The following MCM9 variants were observed in gnomAD, a reference collection of about 807,000 sequenced individuals.
MCM9 encodes minichromosome maintenance 9 homologous recombination repair factor.
In MCM9, 55 loss-of-function variants were observed where a neutral mutation model predicts 72.8. The observed-to-expected ratio is 0.76, with a 90% CI of 0.61 to 0.95. The LOEUF is 0.95. Among genes scored for constraint, MCM9 ranks in the 40% least tolerant of loss-of-function variants. MCM9 has a pLI of 0.00. For missense variants in MCM9, 1,279 were observed against 1,377.0 expected, an observed-to-expected ratio of 0.93 and a Z score of 1.13; for synonymous variants, 480 against 503.4, an observed-to-expected ratio of 0.95 and a Z score of 0.62.
At chr6:118,927,086 C>T (rs533946844) in intron 3 of MCM9, among the ~76,000 whole-genome samples, 1 of 152,120 alleles carries the variant, frequency 6.6e-6, no homozygotes, top group Non-Finnish European at 1.5e-5. Flanking sequence ...TTCCTTGGCC[C>T]TAAAGAAATA....
intron 8 of MCM9, among the ~76,000 whole-genome samples, chr6:118,897,837 AC>A (rs11349128): frequency 0.01 from 1,581 of 151,974 alleles, 28 homozygotes; most frequent in African/African-American, 0.035. Context: ...AAAAAAAAAA[AC>A]AACAAAAAAA....
intron 6 of MCM9, 110 bp downstream of exon 6, chr6:118,917,451 C>T (rs1781054663): frequency 7.4e-6 from 8 of 1,077,052 alleles, no homozygotes; most frequent in Non-Finnish European, 1.1e-5. Context: ...ACCCTTTAAA[C>T]TCAGTCATTG....
At chr6:118,826,051 A>T in intron 13 of MCM9, 96 bp downstream of exon 13, 1 of 1,333,322 alleles carries the variant, frequency 7.5e-7, no homozygotes, top group Non-Finnish European at 1.0e-6. Flanking sequence ...AACACCTGAT[A>T]GATAGATTTT....
intron 13 of MCM9, among the ~76,000 whole-genome samples, chr6:118,820,116 T>G (rs534474430): frequency 2.0e-4 from 30 of 152,254 alleles, no homozygotes; most frequent in African/African-American, 7.2e-4. Flanking sequence ...CGTGTCTCTA[T>G]CTCCTTCAGT....
intron 13 of MCM9, among the ~76,000 whole-genome samples, chr6:118,817,994 AT>A (rs1773521523): frequency 6.6e-6 from 1 of 151,208 alleles, no homozygotes; most frequent in Non-Finnish European, 1.5e-5. Flanking sequence ...TTTCTTGTAT[AT>A]TTTTTTAAGT....
intron 8 of MCM9, among the ~76,000 whole-genome samples, chr6:118,868,804 T>C (rs1312254233): frequency 1.3e-5 from 2 of 152,222 alleles, no homozygotes; most frequent in African/African-American, 2.4e-5. Flanking sequence ...AGGAATGCTT[T>C]TACACTGTTT....
At chr6:118,924,744 A>G (rs1781738012) in intron 3 of MCM9, among the ~76,000 whole-genome samples, 1 of 152,204 alleles carries the variant, frequency 6.6e-6, no homozygotes, top group Non-Finnish European at 1.5e-5. Context: ...AGGCAACAGA[A>G]AAGGTGCAAA....
chr6:118,829,249 G>A lies in MCM9; in HGVS notation c.1327C>T (p.Leu443Phe). ...QQTISVAKAG[L>F]VCKLNTRTTI... ...GTCCTTGTGTTCAGCTTGCACACGAGGCTGCCAGGAGAGACAGTACAATTC... is the reference window on the plus strand; with the variant it reads ...GTCCTTGTGTTCAGCTTGCACACGAAGCTGCCAGGAGAGACAGTACAATTC... Residue 443 changes from leucine to phenylalanine, a missense_variant and splice_region_variant, in exon 10 of 14, where the codon CTC becomes TTC. Transcript: ENST00000619706. The A allele has an allele frequency of 1.3e-6, 2 of 1,548,086 alleles. No individual in the cohort carries two copies. The highest frequency in any genetic ancestry group is 1.7e-6 in the Non-Finnish European group (2 of 1,144,792).
intron 8 of MCM9, among the ~76,000 whole-genome samples, chr6:118,905,994 T>C (rs1371928299): frequency 6.6e-6 from 1 of 152,204 alleles, no homozygotes; most frequent in Non-Finnish European, 1.5e-5. Flanking sequence ...CATGGATGAC[T>C]TCAAACCCTA....
chr6:118,875,068 G>GC (rs1777850985), intron 8 of MCM9, among the ~76,000 whole-genome samples: 1 of 152,056 alleles, frequency 6.6e-6, no homozygotes, highest in Admixed American at 6.5e-5. Flanking sequence ...AGCCAAGATC[G>GC]CGCCATTGCA....
chr6:118,844,287 A>G lies in MCM9; in HGVS notation c.1325+12084T>C, dbSNP rs999019063. ...AAGATTCTGAAAACTGGTAGCCAAA[A>G]AAGTTGGATGAACTACTGTGGAGGC... On this transcript the variant is annotated intron_variant, in intron 9 of 13. Coordinates refer to ENST00000619706, the MANE Select transcript of MCM9 (RefSeq NM_017696.3). Among the ~76,000 whole-genome samples the G allele has an allele frequency of 1.7e-4, 26 of 151,776 alleles. 1 individual carries two copies. Among genetic ancestry groups the G allele is most frequent in the African/African-American group, 6.1e-4 (25 of 41,066 alleles).
rs974493124 is a variant in MCM9, at chr6:118,815,622, G to A, written c.2634C>T (p.Ser878=). The change falls in exon 14 of 14, where the codon TCC becomes TCT. Residue 878 remains serine (S), a synonymous_variant. Coordinates refer to ENST00000619706, the MANE Select transcript of MCM9 (RefSeq NM_017696.3). ...TTCTGTCTGGGCTATGTACAGGAGT[G>A]GACTGAGGATGGGAAGGGACTGTGC... ...AQCTVPSHPQ[S]TPVHSPDRML... is the part of the protein sequence containing the mutation. 3.9e-6 allele frequency: 6 copies of A among 1,550,470 alleles called. No homozygotes were observed. The highest frequency in any genetic ancestry group is 3.6e-5 in the South Asian group (3 of 84,058).
intron 9 of MCM9, among the ~76,000 whole-genome samples, chr6:118,843,658 G>GTATATACGTGTATATATATATGTGTA (rs1775593864): frequency 3.2e-4 from 7 of 21,592 alleles, no homozygotes; most frequent in African/African-American, 1.1e-3. Context: ...ATATATATGT[G>GTATATACGTGTATATATATATGTGTA]TATATATATA....
intron 6 of MCM9, among the ~76,000 whole-genome samples, chr6:118,915,418 C>A (rs557198359): frequency 6.6e-6 from 1 of 152,158 alleles, no homozygotes; most frequent in Admixed American, 6.5e-5. Context: ...AGTCAGTGAC[C>A]CCCAAAGAGG....
chr6:118,910,983 CAGA>C (rs1780505276), intron 8 of MCM9: 41 of 985,276 alleles, frequency 4.2e-5, no homozygotes, highest in Non-Finnish European at 4.9e-5. Context: ...GGTCTGTTTT[CAGA>C]AGAACAGAAA....
intron 8 of MCM9, among the ~76,000 whole-genome samples, chr6:118,877,219 C>T (rs1777991405): frequency 6.6e-6 from 1 of 152,184 alleles, no homozygotes; most frequent in African/African-American, 2.4e-5. Context: ...CCTCCAGCCC[C>T]CAGTTGAGCT....
At chr6:118,931,011 T>G (rs1782378613) in intron 3 of MCM9, among the ~76,000 whole-genome samples, 2 of 152,218 alleles carry the variant, frequency 1.3e-5, no homozygotes, top group Admixed American at 6.5e-5. Flanking sequence ...TGCACAATGC[T>G]AATACTGATC....
At position 118,872,641 on chromosome 6, in the gene MCM9, G is replaced by A. The variant is rs145742201; in HGVS notation, c.1151-16096C>T. 3.8e-3 allele frequency among the ~76,000 whole-genome samples: 579 copies of A among 151,712 alleles called. 6 individuals are homozygous for A. The highest frequency in any genetic ancestry group is 0.013 in the African/African-American group (553 of 41,388). ...GCAATCTACCTCTACAGAAAAAAAA[G>A]TTTTTAAATAATTTTAAAAACCTAA... On this transcript the variant is annotated intron_variant, in intron 8 of 13. Coordinates refer to ENST00000619706, the MANE Select transcript of MCM9 (RefSeq NM_017696.3).
At chr6:118,931,768 T>A (rs374206337) in intron 2 of MCM9, 30 bp from the exon 3 acceptor site, 2 of 1,465,508 alleles carry the variant, frequency 1.4e-6, no homozygotes, top group African/African-American at 2.8e-5. Context: ...TCATATTATA[T>A]ATTTGATACT....
Sources: gnomAD v4.1 joint callset for allele counts (sites outside exome capture counted in the v4.1 genomes callset) on GRCh38, gnomAD v4.1.1 for gene constraint, MANE v1.5 for transcripts, NCBI Gene and HGNC (gene_info 2026-07-23, HGNC 2026-07-21) for gene names.